LDB2: variants seen among roughly 807,000 people sequenced by gnomAD.
LDB2 encodes the protein LIM domain binding 2.
Under a neutral mutation model 44.3 loss-of-function variants are expected in LDB2, and 12 were observed. The ratio of observed to expected loss-of-function variants is 0.27; its 90% CI spans 0.17 to 0.44. The LOEUF is 0.44. Ranked by LOEUF, LDB2 falls within the 20% of genes least tolerant of loss-of-function variation. The pLI, the probability that LDB2 is intolerant of heterozygous loss-of-function variation, is 1.00. For missense variants in LDB2, 344 were observed against 473.5 expected, an observed-to-expected ratio of 0.73 and a Z score of 2.54; for synonymous variants, 164 against 174.8, an observed-to-expected ratio of 0.94 and a Z score of 0.49.
intron 2 of LDB2, 78 bp from the exon 3 acceptor site, chr4:16,595,953 C>A (rs1013483670): frequency 7.2e-7 from 1 of 1,383,354 alleles, no homozygotes. Context: ...CATTGCCAAA[C>A]CTCCTAAAAC....
chr4:16,845,987 T>C (rs1211619624), intron 1 of LDB2, among the ~76,000 whole-genome samples: 3 of 151,808 alleles, frequency 2.0e-5, no homozygotes, highest in South Asian at 2.1e-4. Context: ...CATGCGCCTG[T>C]AGTCCCAGCT....
intron 1 of LDB2, among the ~76,000 whole-genome samples, chr4:16,791,628 C>T (rs1425127308): frequency 6.8e-6 from 1 of 146,678 alleles, no homozygotes; most frequent in African/African-American, 2.5e-5. Context: ...ACACTGTAAT[C>T]TTCCCCAGGC....
intron 2 of LDB2, among the ~76,000 whole-genome samples, chr4:16,628,302 T>C (rs1730861855): frequency 6.6e-6 from 1 of 152,148 alleles, no homozygotes; most frequent in African/African-American, 2.4e-5. Context: ...CATTCTTTCA[T>C]CTCATGCCCC....
intron 2 of LDB2, among the ~76,000 whole-genome samples, chr4:16,727,472 CG>C (rs1759765569): frequency 2.0e-5 from 3 of 151,696 alleles, no homozygotes; most frequent in African/African-American, 7.3e-5. Flanking sequence ...CTCTGAACCC[CG>C]CTCCAGGAAC....
chr4:16,817,644 C>A (rs1170859975), intron 1 of LDB2, among the ~76,000 whole-genome samples: 1 of 152,174 alleles, frequency 6.6e-6, no homozygotes, highest in Non-Finnish European at 1.5e-5. Context: ...TTGCATAGTG[C>A]TTTCTATGTG....
chr4:16,692,187 C>A (rs1750937445), intron 2 of LDB2, among the ~76,000 whole-genome samples: 1 of 152,098 alleles, frequency 6.6e-6, no homozygotes, highest in Non-Finnish European at 1.5e-5. Flanking sequence ...ATTAGGACAT[C>A]AAAATGCAGA....
intron 2 of LDB2, among the ~76,000 whole-genome samples, chr4:16,754,056 G>C (rs1305560371): frequency 6.6e-6 from 1 of 152,160 alleles, no homozygotes; most frequent in East Asian, 1.9e-4. Context: ...TCTGAAACAA[G>C]GTAGCGTTTT....
intron 2 of LDB2, among the ~76,000 whole-genome samples, chr4:16,666,164 C>G (rs1187167536): frequency 6.6e-6 from 1 of 152,174 alleles, no homozygotes; most frequent in Non-Finnish European, 1.5e-5. Context: ...CCATAGAAAC[C>G]TAAAGAGATG....
intron 5 of LDB2, among the ~76,000 whole-genome samples, chr4:16,578,572 G>A (rs1712849951): frequency 6.6e-6 from 1 of 152,212 alleles, no homozygotes; most frequent in Non-Finnish European, 1.5e-5. Flanking sequence ...TGGTGAGGAT[G>A]TGGAGAAAGG....
intron 2 of LDB2, among the ~76,000 whole-genome samples, chr4:16,637,917 C>T (rs143545523): frequency 6.6e-6 from 1 of 152,314 alleles, no homozygotes; most frequent in East Asian, 1.9e-4. Context: ...AGCCAGGTGC[C>T]AGGCTCCACA....
chr4:16,750,290 T>C (rs929077668), intron 2 of LDB2, among the ~76,000 whole-genome samples: 2 of 152,216 alleles, frequency 1.3e-5, no homozygotes, highest in African/African-American at 4.8e-5. Flanking sequence ...GAGTTCATCG[T>C]GTATGGGTCT....
intron 1 of LDB2, among the ~76,000 whole-genome samples, chr4:16,799,917 C>A (rs908791961): frequency 6.6e-6 from 1 of 152,164 alleles, no homozygotes; most frequent in African/African-American, 2.4e-5. Flanking sequence ...CCCCAGGCAT[C>A]TCATGTTTTT....
At chr4:16,839,821 A>T (rs1201086341) in intron 1 of LDB2, among the ~76,000 whole-genome samples, 1 of 152,194 alleles carries the variant, frequency 6.6e-6, no homozygotes, top group Non-Finnish European at 1.5e-5. Flanking sequence ...CTATGAGGAA[A>T]TTATAGCCTT....
chr4:16,503,484 T>C (rs982708368), intron 7 of LDB2, among the ~76,000 whole-genome samples: 2 of 152,190 alleles, frequency 1.3e-5, no homozygotes, highest in Admixed American at 1.3e-4. Flanking sequence ...ATTATGGTAA[T>C]TAATTTAGGT....
intron 2 of LDB2, among the ~76,000 whole-genome samples, chr4:16,716,161 A>C: frequency 6.6e-6 from 1 of 152,204 alleles, no homozygotes; most frequent in East Asian, 1.9e-4. Flanking sequence ...GAAGGAACAA[A>C]CCCTTCTGAT....
chr4:16,619,310 G>A (rs547644537), intron 2 of LDB2, among the ~76,000 whole-genome samples: 1 of 152,276 alleles, frequency 6.6e-6, no homozygotes, highest in Non-Finnish European at 1.5e-5. Context: ...CTGATCAGGA[G>A]AACTCCATCC....
chr4:16,515,847 TA>T (rs879734505), intron 5 of LDB2, among the ~76,000 whole-genome samples: 2,179 of 150,002 alleles, frequency 0.015, 21 homozygotes, highest in Middle Eastern at 0.024. Context: ...TTTATTTATT[TA>T]TTTTATTATT....
At position 16,699,353 on chromosome 4, in the gene LDB2, C is replaced by T. The variant is rs535693841; in HGVS notation, c.235+59805G>A. The stretch of plus-strand genomic sequence containing the variant: ...GATAAGGATCATCACTAACTAATTG[C>T]GTAGTAAATCCTGCTACAGACTTCA... On this transcript the variant is annotated intron_variant, in intron 2 of 7. Coordinates refer to ENST00000304523, the MANE Select transcript of LDB2 (RefSeq NM_001290.5). Among the ~76,000 whole-genome samples, 9 of 152,294 alleles carry T rather than the reference C, an allele frequency of 5.9e-5. No homozygotes were observed. The South Asian group carries it at 6.2e-4, about 11-fold the overall frequency.
At chr4:16,545,916 T>C (rs1046908766) in intron 5 of LDB2, among the ~76,000 whole-genome samples, 16 of 152,172 alleles carry the variant, frequency 1.1e-4, no homozygotes, top group Non-Finnish European at 2.9e-5. Flanking sequence ...GATGATTGCC[T>C]CTGGCACCCG....
Sources: gnomAD v4.1 joint callset for allele counts (sites outside exome capture counted in the v4.1 genomes callset) on GRCh38, gnomAD v4.1.1 for gene constraint, MANE v1.5 for transcripts, NCBI Gene and HGNC (gene_info 2026-07-23, HGNC 2026-07-21) for gene names.